The following MMP12 variants were observed in gnomAD, a reference collection of about 807,000 sequenced individuals.
The protein encoded by MMP12 is macrophage metalloelastase.
A neutral mutation model predicts 45.2 loss-of-function variants in MMP12; 51 were observed. The observed-to-expected ratio is 1.13, with a 90% confidence interval of 0.90 to 1.42. The LOEUF (loss-of-function observed/expected upper bound fraction) is 1.42, where lower values mean the gene tolerates loss of function less well. Ranked by LOEUF, MMP12 falls within the 40% of genes most tolerant of loss-of-function variation. The pLI is 0.00. For missense variants in MMP12, 530 were observed against 570.8 expected, an observed-to-expected ratio of 0.93 and a Z score of 0.73; for synonymous variants, 210 against 193.3, an observed-to-expected ratio of 1.09 and a Z score of -0.72.
chr11:102,873,160 T>A, intron 1 of MMP12, 48 bp from the exon 2 acceptor site: 1 of 1,559,320 alleles, frequency 6.4e-7, no homozygotes, highest in Non-Finnish European at 8.7e-7. Flanking sequence ...CACAGAAAAT[T>A]TCTGTTGGGA....
chr11:102,867,683 C>A (rs1474582410), intron 5 of MMP12, among the ~76,000 whole-genome samples: 1 of 152,086 alleles, frequency 6.6e-6, no homozygotes, highest in Non-Finnish European at 1.5e-5. Context: ...AGAAAGAACA[C>A]CAGACTTGAG....
At chr11:102,869,453 A>T (rs1859452754) in intron 4 of MMP12, among the ~76,000 whole-genome samples, 1 of 152,184 alleles carries the variant, frequency 6.6e-6, no homozygotes, top group Non-Finnish European at 1.5e-5. Flanking sequence ...TCATCTGGAA[A>T]TAATGGGTTT....
rs202197749 is a variant in MMP12 at position 102,865,794 on chromosome 11, A to G, written c.1187T>C (p.Val396Ala). The G allele has an allele frequency of 2.5e-6, 4 of 1,611,210 alleles. No individual in the cohort carries two copies. The highest frequency in any genetic ancestry group is 1.7e-5 in the Admixed American group (1 of 59,740). ...NPRFYRTYFFVDNQYWRYDER... is the reference protein window; with the variant it reads ...NPRFYRTYFFADNQYWRYDER... The stretch of plus-strand genomic sequence containing the variant: ...AACTCACCTCCAATACTGGTTATCT[A>G]CAAAGAAGTAGGTCCTATAAAAACG... The change falls in exon 8 of 10, where the codon GTA becomes GCA. Residue 396 changes from valine to alanine, a missense_variant. Coordinates refer to ENST00000571244, the MANE Select transcript of MMP12 (RefSeq NM_002426.6). This position sits in a 1 kb window ranked among gnomAD's most constrained non-coding sequence, Gnocchi z 4.1.
At chr11:102,867,235 A>G in intron 6 of MMP12, 35 bp downstream of exon 6, 1 of 1,505,122 alleles carries the variant, frequency 6.6e-7, no homozygotes, top group Non-Finnish European at 8.9e-7. Context: ...AAAGGCAGAA[A>G]CTTTAATATT....
rs1859374364 is a variant in MMP12 at position 102,865,817 on chromosome 11, A to G, written c.1164T>C (p.Arg388=). The change falls in exon 8 of 10, where the codon CGT becomes CGC. Residue 388 remains arginine, a synonymous_variant. Transcript: ENST00000571244. This position sits in a 1 kb window ranked among gnomAD's most constrained non-coding sequence, Gnocchi z 4.1. ...KKIDAAVFNP[R]FYRTYFFVDN... ...CTACAAAGAAGTAGGTCCTATAAAA[A>G]CGTGGGTTAAAAACAGCTGCATCAA... is the stretch of plus-strand genomic sequence containing the variant. 1.2e-6 allele frequency: 2 copies of G among 1,612,674 alleles called. No individual in the cohort carries two copies. Among genetic ancestry groups the G allele is most frequent in the African/African-American group, 1.3e-5 (1 of 75,020 alleles).
chr11:102,862,884 T>C lies in MMP12; in HGVS notation c.*216A>G. 2 of 344,538 alleles carry C rather than the reference T, an allele frequency of 5.8e-6. No homozygotes were observed. The highest frequency in any genetic ancestry group is 1.0e-5 in the Non-Finnish European group (2 of 193,904). The allele number at this position is 344,538 out of a possible 1,614,324, so 21.3% of individuals were successfully genotyped here. Reference sequence around the variant, plus strand: ...TTCTCTTGGCCTTTGAAGGTAACTATTTTCAAACTTAATAGTAGAGTCAAG... The same window carrying C: ...TTCTCTTGGCCTTTGAAGGTAACTACTTTCAAACTTAATAGTAGAGTCAAG... On this transcript the variant is annotated 3_prime_UTR_variant, in exon 10 of 10. Coordinates refer to ENST00000571244, the MANE Select transcript of MMP12 (RefSeq NM_002426.6).
At position 102,871,847 on chromosome 11, in the gene MMP12, A is replaced by G; in HGVS notation, c.456T>C (p.Ile152=). ...SNVTPLKFSK[I]NTGMADILVV... ...CCAAAATGTCAGCCATGCCTGTGTTAATCTTGCTGAATTTCAAGGGGGTAA... is the reference window on the plus strand; with the variant it reads ...CCAAAATGTCAGCCATGCCTGTGTTGATCTTGCTGAATTTCAAGGGGGTAA... Residue 152 remains isoleucine (I), a synonymous_variant, in exon 3 of 10, where the codon ATT becomes ATC. Coordinates refer to ENST00000571244, the MANE Select transcript of MMP12 (RefSeq NM_002426.6). The G allele has an allele frequency of 6.2e-7, 1 of 1,613,516 alleles. No individual in the cohort carries two copies. The highest frequency in any genetic ancestry group is 8.5e-7 in the Non-Finnish European group (1 of 1,179,724).
chr11:102,864,040 C>T (rs1859339557), intron 9 of MMP12, 106 bp downstream of exon 9: 3 of 866,118 alleles, frequency 3.5e-6, no homozygotes, highest in Non-Finnish European at 5.5e-6. Context: ...TGGGGAACTG[C>T]AGAAACCTGT....
intron 4 of MMP12, among the ~76,000 whole-genome samples, chr11:102,871,054 G>C (rs1356122684): frequency 1.3e-5 from 2 of 152,108 alleles, no homozygotes; most frequent in African/African-American, 4.8e-5. Context: ...AACATAGCAA[G>C]ATCCTGTCCC....
Position 102,865,804 on chromosome 11 carries a change from A to G in MMP12, c.1177T>C (p.Tyr393His), listed in dbSNP as rs782605340. 5.0e-6 allele frequency: 8 copies of G among 1,612,030 alleles called. No individual in the cohort carries two copies. The highest frequency in any genetic ancestry group is 2.2e-5 in the South Asian group (2 of 90,744). Residue 393 changes from tyrosine (Y) to histidine (H), a missense_variant, in exon 8 of 10, where the codon TAC becomes CAC. Physicochemically the swap from Tyr to His is moderately conservative, Grantham distance 83. Coordinates refer to ENST00000571244, the MANE Select transcript of MMP12 (RefSeq NM_002426.6). The surrounding 1 kb of genome is among the most constrained non-coding windows in gnomAD (Gnocchi z 4.1). ...AVFNPRFYRTYFFVDNQYWRY... is the reference protein window; with the variant it reads ...AVFNPRFYRTHFFVDNQYWRY... ...CAATACTGGTTATCTACAAAGAAGT[A>G]GGTCCTATAAAAACGTGGGTTAAAA...
In MMP12 at chr11:102,871,670, A is replaced by T. The variant is rs201559251; in HGVS notation, c.549T>A (p.His183Gln). 4 of 1,600,120 alleles carry T rather than the reference A, an allele frequency of 2.5e-6. No homozygotes were observed. The highest frequency in any genetic ancestry group is 3.4e-6 in the Non-Finnish European group (4 of 1,172,584). Residue 183 changes from histidine to glutamine, a missense_variant, in exon 4 of 10, where the codon CAT becomes CAA. His to Gln is a conservative substitution (Grantham distance 24). Coordinates refer to ENST00000571244, the MANE Select transcript of MMP12 (RefSeq NM_002426.6). The part of the protein sequence containing the change: ...AFDGKGGILA[H>Q]AFGPGSGIGG... ...CAATGCCAGATCCAGGTCCAAAAGCATGGGCTAGGATTCCACCTTTGCCAT... is the reference window on the plus strand; with the variant it reads ...CAATGCCAGATCCAGGTCCAAAAGCTTGGGCTAGGATTCCACCTTTGCCAT...
chr11:102,867,164 T>C, intron 6 of MMP12, 106 bp downstream of exon 6: 1 of 1,073,362 alleles, frequency 9.3e-7, no homozygotes, highest in South Asian at 1.9e-5. Flanking sequence ...AAGTTCCTGC[T>C]TACAAGTTTC....
rs202230656 is a variant in MMP12 at position 102,871,601 on chromosome 11, A to G, written c.618T>C (p.His206=). 1.1e-5 allele frequency: 17 copies of G among 1,553,754 alleles called. No individual in the cohort carries two copies. Among genetic ancestry groups the G allele is most frequent in the Non-Finnish European group, 1.5e-5 (17 of 1,147,898 alleles). The change falls in exon 4 of 10, where the codon CAT becomes CAC. Residue 206 remains histidine (H), a synonymous_variant. Coordinates refer to ENST00000571244, the MANE Select transcript of MMP12 (RefSeq NM_002426.6). ...TTTGTTTGTTTTGCCCACCTCCTGA[A>G]TGTGTAGTCCAGAATTCGTCCTCAT... is the stretch of plus-strand genomic sequence containing the variant. ...HFDEDEFWTT[H]SGGTNLFLTA...
rs781821688 is a variant in MMP12, at chr11:102,867,329, G to A, written c.852C>T (p.Pro284=). ...TAGTGACAGCATCAAAACTCAAATT[G>A]GGGTCACAGAGAGCTGGTTCTGAAT... ...PDNSEPALCD[P]NLSFDAVTTV... Residue 284 remains proline (P), a synonymous_variant, in exon 6 of 10, where the codon CCC becomes CCT. Transcript: ENST00000571244. The A allele has an allele frequency of 6.2e-7, 1 of 1,610,830 alleles. No individual in the cohort carries two copies. Among genetic ancestry groups the A allele is most frequent in the Admixed American group, 1.7e-5 (1 of 59,572 alleles).
At chr11:102,866,225 G>T in intron 7 of MMP12, 90 bp downstream of exon 7, 1 of 1,277,538 alleles carries the variant, frequency 7.8e-7, no homozygotes, top group Non-Finnish European at 1.1e-6. Context: ...GTGCTTTCTT[G>T]GTCTATATCT....
In MMP12 at chr11:102,866,339, T is replaced by TGGCTTCAATTTCATAAGC. The variant is rs1859386804; in HGVS notation, c.1003_1020dup (p.Ala335_Ala340dup). 1.9e-6 allele frequency: 3 copies of TGGCTTCAATTTCATAAGC among 1,588,234 alleles called. No homozygotes were observed. Among genetic ancestry groups the TGGCTTCAATTTCATAAGC allele is most frequent in the African/African-American group, 2.7e-5 (2 of 74,342 alleles). On this transcript the variant is annotated inframe_insertion, in exon 7 of 10. Coordinates refer to ENST00000571244, the MANE Select transcript of MMP12 (RefSeq NM_002426.6). ...CCTTTAAAAAGAAAAACTTGATTTCTGGCTTCAATTTCATAAGCAGCTTCA... is the reference window on the plus strand; with the variant it reads ...CCTTTAAAAAGAAAAACTTGATTTCTGGCTTCAATTTCATAAGCGGCTTCAATTTCATAAGCAGCTTCA...
intron 9 of MMP12, 108 bp from the exon 10 acceptor site, chr11:102,863,308 T>G: frequency 1.5e-6 from 1 of 649,144 alleles, no homozygotes; most frequent in Non-Finnish European, 2.6e-6. Flanking sequence ...AGATGACCTA[T>G]GGGCTGTGGT....
At chr11:102,867,851 G>A (rs564966562) in intron 5 of MMP12, 57 bp downstream of exon 5, 2 of 1,499,794 alleles carry the variant, frequency 1.3e-6, no homozygotes, top group Non-Finnish European at 1.8e-6. Context: ...GATATTGTTA[G>A]ACTATTCATA....
At chr11:102,866,683 A>T (rs1321997336) in intron 6 of MMP12, among the ~76,000 whole-genome samples, 2 of 152,190 alleles carry the variant, frequency 1.3e-5, no homozygotes, top group Non-Finnish European at 2.9e-5. Context: ...GGAGCTTGGA[A>T]TCCAGGGATC....
Sources: gnomAD v4.1 joint callset for allele counts (sites outside exome capture counted in the v4.1 genomes callset) on GRCh38, gnomAD v4.1.1 for gene constraint, Gnocchi (gnomAD v3.1) non-coding constraint, MANE v1.5 for transcripts, NCBI Gene and HGNC (gene_info 2026-07-23, HGNC 2026-07-21) for gene names.